FHIT: variants seen among roughly 807,000 people sequenced by gnomAD.
FHIT encodes fragile histidine triad diadenosine triphosphatase.
In FHIT, 19 loss-of-function variants were observed where a neutral mutation model predicts 17.9. The ratio of observed to expected loss-of-function variants is 1.06; its 90% CI spans 0.74 to 1.56. The LOEUF (loss-of-function observed/expected upper bound fraction) is 1.56. FHIT is among the 40% of genes most tolerant of loss of function. FHIT has a pLI of 0.00. For synonymous variants in FHIT, 81 were observed against 69.7 expected (o/e 1.16, Z -0.81); for missense variants, 248 against 189.2 (o/e 1.31, Z -1.82).
chr3:61,007,642 G>T (rs1160909728), intron 3 of FHIT, among the ~76,000 whole-genome samples: 1 of 152,148 alleles, frequency 6.6e-6, no homozygotes, highest in Non-Finnish European at 1.5e-5. Context: ...TAACTTGAAG[G>T]AAACGTGGGT....
intron 4 of FHIT, among the ~76,000 whole-genome samples, chr3:60,711,372 C>A (rs1393311573): frequency 3.3e-5 from 5 of 152,202 alleles, no homozygotes; most frequent in Non-Finnish European, 1.5e-5. Flanking sequence ...GAGCGCCTCT[C>A]CTCCTCCAAA....
intron 5 of FHIT, among the ~76,000 whole-genome samples, chr3:60,244,899 C>G (rs1429746278): frequency 6.6e-6 from 1 of 152,050 alleles, no homozygotes; most frequent in Non-Finnish European, 1.5e-5. Flanking sequence ...TACTGTCTGT[C>G]AATGCATTTT....
At chr3:60,976,501 A>G (rs755881343) in intron 3 of FHIT, among the ~76,000 whole-genome samples, 18 of 152,120 alleles carry the variant, frequency 1.2e-4, no homozygotes, top group Admixed American at 3.9e-4. Flanking sequence ...ACGAAAAACC[A>G]TGTCTCTATA....
intron 7 of FHIT, among the ~76,000 whole-genome samples, chr3:60,006,770 T>TG: frequency 6.6e-6 from 1 of 152,116 alleles, no homozygotes; most frequent in Non-Finnish European, 1.5e-5. Flanking sequence ...TGCCAAAGTA[T>TG]GTTAACTACT....
At chr3:60,224,519 C>T (rs1049244049) in intron 5 of FHIT, among the ~76,000 whole-genome samples, 14 of 152,040 alleles carry the variant, frequency 9.2e-5, no homozygotes, top group African/African-American at 3.4e-4. Context: ...TCCTTATGCT[C>T]ATATCCCTCC....
Position 60,861,000 on chromosome 3 carries a change from TC to T in FHIT, c.-110-38990del, listed in dbSNP as rs201417980. 6.9e-4 allele frequency among the ~76,000 whole-genome samples: 63 copies of T among 91,338 alleles called. 4 individuals carry two copies. The highest frequency in any genetic ancestry group is 1.5e-3 in the African/African-American group (38 of 26,044). 59.9% of individuals were successfully genotyped at this position (91,338 alleles called of 152,430 possible). ...TATATGATACATATATACGTATATA[TC>T]CATATATATGATACATATATACGTA... is the stretch of plus-strand genomic sequence containing the variant. On this transcript the variant is annotated intron_variant, in intron 3 of 9. Transcript: ENST00000492590.
At chr3:60,168,400 C>T (rs1386197134) in intron 5 of FHIT, among the ~76,000 whole-genome samples, 1 of 152,148 alleles carries the variant, frequency 6.6e-6, no homozygotes, top group African/African-American at 2.4e-5. Context: ...TGGATCTCTG[C>T]CAATACCAAC....
At chr3:61,162,455 T>A (rs13317696) in intron 2 of FHIT, among the ~76,000 whole-genome samples, 85 of 152,322 alleles carry the variant, frequency 5.6e-4, no homozygotes, top group Admixed American at 1.3e-3. Flanking sequence ...ACATGGTGGA[T>A]CATACTCAAG....
At chr3:60,370,065 C>A (rs1056752232) in intron 5 of FHIT, among the ~76,000 whole-genome samples, 1 of 152,182 alleles carries the variant, frequency 6.6e-6, no homozygotes, top group African/African-American at 2.4e-5. Flanking sequence ...TGATTCGCTG[C>A]CTATGTCCGA....
At chr3:60,722,697 T>C (rs2107967077) in intron 4 of FHIT, among the ~76,000 whole-genome samples, 1 of 151,222 alleles carries the variant, frequency 6.6e-6, no homozygotes, top group Middle Eastern at 3.4e-3. Flanking sequence ...TGAAAACTGT[T>C]ACCTTAAATC....
intron 5 of FHIT, among the ~76,000 whole-genome samples, chr3:60,097,461 A>G (rs865922060): frequency 6.6e-6 from 1 of 152,094 alleles, no homozygotes; most frequent in African/African-American, 2.4e-5. Context: ...AAACAGGTCT[A>G]CCTTGAACAA....
intron 4 of FHIT, among the ~76,000 whole-genome samples, chr3:60,767,511 A>G (rs1699898207): frequency 6.6e-6 from 1 of 152,188 alleles, no homozygotes; most frequent in African/African-American, 2.4e-5. Context: ...TGGAAGTGAG[A>G]TTCTAATCCA....
intron 5 of FHIT, among the ~76,000 whole-genome samples, chr3:60,331,555 A>T (rs760336968): frequency 2.6e-5 from 4 of 152,158 alleles, no homozygotes; most frequent in Non-Finnish European, 4.4e-5. Flanking sequence ...TTAACATAGA[A>T]ATATACTCGG....
intron 5 of FHIT, among the ~76,000 whole-genome samples, chr3:60,513,227 A>G (rs561458554): frequency 2.0e-5 from 3 of 152,192 alleles, no homozygotes; most frequent in South Asian, 2.1e-4. Flanking sequence ...ATGAATCTCA[A>G]TGAGAGATAA....
intron 4 of FHIT, among the ~76,000 whole-genome samples, chr3:60,713,287 G>C (rs1255988523): frequency 6.6e-6 from 1 of 150,546 alleles, no homozygotes; most frequent in African/African-American, 2.4e-5. Flanking sequence ...AGTGTGTAGA[G>C]GGAAATTTAT....
At chr3:60,436,844 C>T (rs2030297149) in intron 5 of FHIT, among the ~76,000 whole-genome samples, 1 of 151,984 alleles carries the variant, frequency 6.6e-6, no homozygotes, top group African/African-American at 2.4e-5. Context: ...TAAAATGAAT[C>T]ATCATTAGAA....
At chr3:60,414,352 G>C (rs574415195) in intron 5 of FHIT, among the ~76,000 whole-genome samples, 1 of 152,164 alleles carries the variant, frequency 6.6e-6, no homozygotes, top group Non-Finnish European at 1.5e-5. Flanking sequence ...TAGTGCAGGA[G>C]ACAGAAAGGG....
At chr3:60,774,121 A>G (rs13065371) in intron 4 of FHIT, among the ~76,000 whole-genome samples, 59,124 of 151,978 alleles carry the variant, frequency 0.39, 11,847 homozygotes, top group Non-Finnish European at 0.42. Flanking sequence ...ATGGTTTCAC[A>G]TGCCTTATTC....
intron 7 of FHIT, among the ~76,000 whole-genome samples, chr3:59,942,411 A>T (rs1482468459): frequency 6.6e-6 from 1 of 152,128 alleles, no homozygotes; most frequent in African/African-American, 2.4e-5. Flanking sequence ...CACCCTCCTC[A>T]TACGCCTGTG....
Sources: gnomAD v4.1 joint callset for allele counts (sites outside exome capture counted in the v4.1 genomes callset) on GRCh38, gnomAD v4.1.1 for gene constraint, MANE v1.5 for transcripts, NCBI Gene and HGNC (gene_info 2026-07-23, HGNC 2026-07-21) for gene names.